SPTBN5: variants seen among roughly 807,000 people sequenced by gnomAD.
The protein encoded by SPTBN5 is spectrin beta chain, non-erythrocytic 5.
A neutral mutation model predicts 477.6 loss-of-function variants in SPTBN5; 513 were observed. That is an observed-to-expected ratio of 1.07 (90% CI 1.00 to 1.16). SPTBN5 has a LOEUF of 1.16. Among genes scored for constraint, SPTBN5 ranks in the 50% most tolerant of loss-of-function variants. The pLI, the probability that SPTBN5 is intolerant of heterozygous loss-of-function variation, is 0.00. For synonymous variants in SPTBN5, 2,169 were observed against 2,011.7 expected (o/e 1.08, Z -2.09); for missense variants, 5,062 against 4,731.8 (o/e 1.07, Z -2.05).
intron 48 of SPTBN5, 55 bp from the exon 49 acceptor site, chr15:41,858,803 C>A: frequency 6.4e-7 from 1 of 1,572,714 alleles, no homozygotes; most frequent in South Asian, 1.2e-5. Context: ...TTCCCCTGAC[C>A]TCTGGGATAC....
At position 41,870,443 on chromosome 15, in the gene SPTBN5, C is replaced by A; in HGVS notation, c.5562+3G>T. 1 of 1,613,648 alleles carries A rather than the reference C, an allele frequency of 6.2e-7. No homozygotes were observed. The highest frequency in any genetic ancestry group is 8.5e-7 in the Non-Finnish European group (1 of 1,179,762). ...CACTTCTAGCCACCCCTCCGGCTCA[C>A]ACCTGGACCTGGGTGAGGACTTCCA... On this transcript the variant is annotated splice_donor_region_variant and intron_variant, in intron 30 of 67. Transcript: ENST00000320955.
chr15:41,860,633 G>A lies in SPTBN5; in HGVS notation c.7941C>T (p.His2647=). The A allele has an allele frequency of 6.5e-7, 1 of 1,533,128 alleles. No individual in the cohort carries two copies. Among genetic ancestry groups the A allele is most frequent in the Non-Finnish European group, 8.8e-7 (1 of 1,138,700 alleles). 95.0% of individuals were successfully genotyped at this position (1,533,128 alleles called of 1,614,324 possible). ...TGCCCAGGGCACTCTGGGCCTCGGG[G>A]TGCCCACCCTGGTGCAGGCCGCGGG... The part of the protein sequence containing the change: ...ATARGLHQGG[H]PEAQSALGRC... The change falls in exon 47 of 68, where the codon CAC becomes CAT. Residue 2647 remains histidine, a synonymous_variant. Coordinates refer to ENST00000320955, the MANE Select transcript of SPTBN5 (RefSeq NM_016642.4).
At chr15:41,866,545 G>C (rs1350664578) in intron 36 of SPTBN5, 52 bp from the exon 37 acceptor site, 4 of 1,471,004 alleles carry the variant, frequency 2.7e-6, no homozygotes, top group Non-Finnish European at 3.6e-6. Flanking sequence ...TCAGGCCCCA[G>C]ACGCCACAGG....
Position 41,865,921 on chromosome 15 carries a change from G to C in SPTBN5, c.6823-18C>G, listed in dbSNP as rs1018107011. The C allele has an allele frequency of 1.3e-6, 2 of 1,559,018 alleles. No homozygotes were observed. Among genetic ancestry groups the C allele is most frequent in the East Asian group, 2.4e-5 (1 of 41,576 alleles). ...TTCACCTCCTGTGAAGGCCGAGGGT[G>C]GGGAGGGAGCGCTGTGAGCACCAGC... On this transcript the variant is annotated intron_variant, in intron 38 of 67. Transcript: ENST00000320955.
At chr15:41,866,667 G>T in intron 36 of SPTBN5, 174 bp from the exon 37 acceptor site, 2 of 842,868 alleles carry the variant, frequency 2.4e-6, no homozygotes, top group Non-Finnish European at 3.5e-6. Context: ...AGGCAGCCGG[G>T]CAGGGCCTTG....
intron 4 of SPTBN5, among the ~76,000 whole-genome samples, chr15:41,888,316 A>C (rs1044035546): frequency 2.0e-5 from 3 of 152,260 alleles, no homozygotes; most frequent in African/African-American, 7.2e-5. Context: ...GCAAGGGAAA[A>C]GCCGTCACTG....
At chr15:41,854,422 G>A (rs984384837) in intron 56 of SPTBN5, among the ~76,000 whole-genome samples, 25 of 152,008 alleles carry the variant, frequency 1.6e-4, no homozygotes, top group African/African-American at 5.6e-4. Flanking sequence ...GGTGGGGAGA[G>A]GAGAGGGCCT....
At chr15:41,849,446 C>T (rs11634083) in intron 67 of SPTBN5, among the ~76,000 whole-genome samples, 45,297 of 152,036 alleles carry the variant, frequency 0.3, 7,191 homozygotes, top group Middle Eastern at 0.47. Flanking sequence ...CAGGGTCTGG[C>T]CGTCCTGCCA....
Position 41,855,437 on chromosome 15 carries a change from A to G in SPTBN5, c.9219-9T>C, listed in dbSNP as rs1047003967. 4 of 1,599,068 alleles carry G rather than the reference A, an allele frequency of 2.5e-6. No individual in the cohort carries two copies. The highest frequency in any genetic ancestry group is 3.3e-4 in the Middle Eastern group (2 of 6,048). On this transcript the variant is annotated splice_polypyrimidine_tract_variant and intron_variant, in intron 54 of 67. Transcript: ENST00000320955. ...GGGCTAGCACCTTGGGGCTGTGGGA[A>G]GAGAGCGACAGTCTGGACTGCAGCC...
At chr15:41,878,673 C>T in intron 16 of SPTBN5, 44 bp from the exon 17 acceptor site, 1 of 1,567,298 alleles carries the variant, frequency 6.4e-7, no homozygotes, top group South Asian at 1.2e-5. Flanking sequence ...CTGTCCTGGG[C>T]CTGGTGCCCC....
At position 41,850,804 on chromosome 15, in the gene SPTBN5, G is replaced by T. The variant is rs560349655; in HGVS notation, c.10921+50C>A. 97 of 1,486,304 alleles carry T rather than the reference G, an allele frequency of 6.5e-5. No individual in the cohort carries two copies. The East Asian group carries it at 2.2e-3, about 34-fold the overall frequency. 92.1% of individuals were successfully genotyped at this position (1,486,304 alleles called of 1,614,324 possible). A position where few individuals can be genotyped will look rare whatever the true frequency, so the allele number is the denominator to read the frequency against. On this transcript the variant is annotated intron_variant, in intron 66 of 67. Transcript: ENST00000320955. ...TAAAACACTAGGGGCCCAGGAGCTT[G>T]GGGCCCAGGGAGTCGGCCGCCCTCC...
chr15:41,882,634 G>A lies in SPTBN5; in HGVS notation c.1997C>T (p.Ala666Val). ...KECGQRVGNA[A>V]LGRDLSQIAG... is the part of the protein sequence containing the mutation. Reference sequence around the variant, plus strand: ...GATCTGGCTGAGATCCCGGCCCAGGGCCGCATTCCCCACCCGCTGTCCGCA... The same window carrying A: ...GATCTGGCTGAGATCCCGGCCCAGGACCGCATTCCCCACCCGCTGTCCGCA... The change falls in exon 10 of 68, where the codon GCC becomes GTC. Residue 666 changes from alanine (A) to valine (V), a missense_variant. Ala to Val is a moderately conservative substitution (Grantham distance 64). Transcript: ENST00000320955. The A allele has an allele frequency of 6.2e-7, 1 of 1,607,518 alleles. No individual in the cohort carries two copies. Among genetic ancestry groups the A allele is most frequent in the Non-Finnish European group, 8.5e-7 (1 of 1,177,824 alleles).
chr15:41,884,755 C>T (rs1330465493), intron 7 of SPTBN5, among the ~76,000 whole-genome samples: 4 of 152,172 alleles, frequency 2.6e-5, no homozygotes, highest in African/African-American at 4.8e-5. Flanking sequence ...TTCCCTACCT[C>T]GTCACCCCTG....
intron 3 of SPTBN5, among the ~76,000 whole-genome samples, chr15:41,891,187 T>C (rs2067299627): frequency 6.6e-6 from 1 of 152,236 alleles, no homozygotes; most frequent in Admixed American, 6.5e-5. Context: ...TGTTTTCTGG[T>C]GTATCCTAGG....
intron 53 of SPTBN5, among the ~76,000 whole-genome samples, chr15:41,855,982 G>A (rs943022034): frequency 2.6e-5 from 4 of 152,190 alleles, no homozygotes; most frequent in Non-Finnish European, 4.4e-5. Context: ...TTTATTCTTG[G>A]TTCATAGGCA....
Position 41,856,856 on chromosome 15 carries a change from G to A in SPTBN5, c.8805C>T (p.His2935=), listed in dbSNP as rs899569813. 1.4e-5 allele frequency: 21 copies of A among 1,545,822 alleles called. No homozygotes were observed. The highest frequency in any genetic ancestry group is 4.1e-5 in the African/African-American group (3 of 72,964). Reference sequence around the variant, plus strand: ...CCCTCCCCGGGTGGGCCCACACCTGGTGCTGCTCCTGCAGGTGCCGCACCG... The same window carrying A: ...CCCTCCCCGGGTGGGCCCACACCTGATGCTGCTCCTGCAGGTGCCGCACCG... The part of the protein sequence containing the change: ...LSAVRHLQEQ[H]QNLESEMSSH... The change falls in exon 52 of 68, where the codon CAC becomes CAT. Residue 2935 remains histidine, a synonymous_variant. Transcript: ENST00000320955.
Position 41,876,223 on chromosome 15 carries a change from G to T in SPTBN5, c.4013C>A (p.Ala1338Glu), listed in dbSNP as rs751407986. The T allele has an allele frequency of 6.9e-6, 11 of 1,602,980 alleles. No individual in the cohort carries two copies. The South Asian group carries it at 9.9e-5, about 14-fold the overall frequency. ...QWMEEKGLMA[A>E]HEPSGARRNI... Reference sequence around the variant, plus strand: ...TCTGCGCGCTCCGGAGGGCTCATGCGCAGCCATCAGCCCCTTCTCTTCCAT... The same window carrying T: ...TCTGCGCGCTCCGGAGGGCTCATGCTCAGCCATCAGCCCCTTCTCTTCCAT... The change falls in exon 21 of 68, where the codon GCG (alanine) becomes GAG (glutamate). Residue 1338 changes from alanine (A) to glutamate (E), a missense_variant. Physicochemically the swap from Ala to Glu is moderately radical, Grantham distance 107. Coordinates refer to ENST00000320955, the MANE Select transcript of SPTBN5 (RefSeq NM_016642.4).
intron 32 of SPTBN5, 130 bp from the exon 33 acceptor site, chr15:41,868,731 G>C (rs1449117385): frequency 3.7e-6 from 3 of 807,204 alleles, no homozygotes; most frequent in Non-Finnish European, 5.9e-6. Flanking sequence ...CAGGGCCTCG[G>C]GTGAGGCACA....
chr15:41,858,542 C>T, intron 49 of SPTBN5, 60 bp downstream of exon 49: 2 of 1,559,756 alleles, frequency 1.3e-6, no homozygotes, highest in East Asian at 2.3e-5. Context: ...AGCTCTGGGG[C>T]ACTGTCCTGT....
Sources: gnomAD v4.1 joint callset for allele counts (sites outside exome capture counted in the v4.1 genomes callset) on GRCh38, gnomAD v4.1.1 for gene constraint, MANE v1.5 for transcripts, NCBI Gene and HGNC (gene_info 2026-07-23, HGNC 2026-07-21) for gene names.